The following EYS variants were observed in gnomAD, a reference collection of about 807,000 sequenced individuals.
The protein encoded by EYS is EGF-like photoreceptor maintenance factor.
A neutral mutation model predicts 282.1 loss-of-function variants in EYS; 250 were observed. That is an observed-to-expected ratio of 0.89 (90% confidence interval 0.80 to 0.98). EYS has a LOEUF of 0.98. Among genes scored for constraint, EYS ranks in the 50% least tolerant of loss-of-function variants. EYS has a pLI of 0.00. For synonymous variants in EYS, 1,355 were observed against 1,282.9 expected, an observed-to-expected ratio of 1.06 and a Z score of -1.20; for missense variants, 4,016 against 3,709.0, an observed-to-expected ratio of 1.08 and a Z score of -2.15.
chr6:64,949,380 A>G (rs959407901), intron 14 of EYS, among the ~76,000 whole-genome samples: 2 of 151,842 alleles, frequency 1.3e-5, no homozygotes, highest in Admixed American at 6.6e-5. Context: ...TCTAGGACTC[A>G]GATCTCATTT....
intron 29 of EYS, among the ~76,000 whole-genome samples, chr6:64,383,557 T>C (rs185717757): frequency 3.7e-4 from 57 of 152,292 alleles, no homozygotes; most frequent in African/African-American, 1.3e-3. Context: ...GAAGGAGCAA[T>C]GGGTCATAAA....
chr6:64,019,246 C>T lies in EYS; in HGVS notation c.6726-20063G>A, dbSNP rs553170730. On this transcript the variant is annotated intron_variant, in intron 33 of 42. Coordinates refer to ENST00000503581, the MANE Select transcript of EYS (RefSeq NM_001142800.2). ...GAAGAGGCAGTAATGGATTTTCCCT[C>T]AGGACTTCTGGAGAGAGTGCAGCCT... Among the ~76,000 whole-genome samples, 7 of 152,282 alleles carry T rather than the reference C, an allele frequency of 4.6e-5. No homozygotes were observed. In the East Asian group the frequency reaches 1.4e-3, roughly 29 times the overall value.
At chr6:65,363,865 T>C (rs1254214412) in intron 8 of EYS, among the ~76,000 whole-genome samples, 1 of 151,780 alleles carries the variant, frequency 6.6e-6, no homozygotes. Flanking sequence ...TTTTGTATAA[T>C]CAAATTTTAC....
intron 15 of EYS, among the ~76,000 whole-genome samples, chr6:64,920,315 G>T (rs1292942692): frequency 6.6e-6 from 1 of 152,070 alleles, no homozygotes. Context: ...GTTGAGTCAA[G>T]AAAATGACTA....
At chr6:65,586,989 C>T (rs1033949488) in intron 2 of EYS, among the ~76,000 whole-genome samples, 12 of 151,682 alleles carry the variant, frequency 7.9e-5, no homozygotes, top group African/African-American at 2.9e-4. Flanking sequence ...ATTTTATTTC[C>T]AAAGCTTAGA....
chr6:65,062,388 T>A (rs1773603368), intron 12 of EYS, among the ~76,000 whole-genome samples: 1 of 151,976 alleles, frequency 6.6e-6, no homozygotes, highest in Admixed American at 6.6e-5. Context: ...TTTATCTCCA[T>A]CTCTATTACC....
chr6:65,390,609 C>T lies in EYS; in HGVS notation c.1185-6109G>A, dbSNP rs923171342. On this transcript the variant is annotated intron_variant, in intron 7 of 42. Transcript: ENST00000503581. ...TGTAGAAAAAATATTGTGGGCTGGG[C>T]ATGGTGGCTTATATCTGTAATCCCA... Among the ~76,000 whole-genome samples, 6 of 152,014 alleles carry T rather than the reference C, an allele frequency of 3.9e-5. No homozygotes were observed. In the South Asian group the frequency reaches 6.2e-4, roughly 16 times the overall value.
intron 22 of EYS, among the ~76,000 whole-genome samples, chr6:64,725,124 G>A (rs1771711009): frequency 6.6e-6 from 1 of 152,086 alleles, no homozygotes; most frequent in South Asian, 2.1e-4. Flanking sequence ...GGTCACAGAT[G>A]GGAAAATCTT....
At chr6:64,688,121 CTTT>C (rs1770226847) in intron 22 of EYS, among the ~76,000 whole-genome samples, 1 of 151,702 alleles carries the variant, frequency 6.6e-6, no homozygotes, top group African/African-American at 2.4e-5. Context: ...CTCTTTTCTT[CTTT>C]ATTAGTCTTG....
chr6:64,150,820 G>A (rs79043902), intron 31 of EYS, among the ~76,000 whole-genome samples: 3,775 of 152,176 alleles, frequency 0.025, 147 homozygotes, highest in African/African-American at 0.086. Flanking sequence ...CAAGAAAATG[G>A]AAGTTGAAAG....
intron 2 of EYS, among the ~76,000 whole-genome samples, chr6:65,540,769 A>C (rs944632714): frequency 2.0e-5 from 3 of 152,040 alleles, no homozygotes; most frequent in Non-Finnish European, 4.4e-5. Flanking sequence ...AAATACAAAA[A>C]AAAATTAGTC....
chr6:64,165,905 A>G (rs747118491), intron 31 of EYS, among the ~76,000 whole-genome samples: 1 of 152,234 alleles, frequency 6.6e-6, no homozygotes, highest in East Asian at 1.9e-4. Flanking sequence ...GTAGGAAAAG[A>G]TAGTGCCTGA....
intron 22 of EYS, among the ~76,000 whole-genome samples, chr6:64,811,046 T>C (rs1459860611): frequency 6.6e-6 from 1 of 152,080 alleles, no homozygotes; most frequent in Non-Finnish European, 1.5e-5. Flanking sequence ...ATAAACATAC[T>C]ATGGATTAAC....
chr6:64,675,250 C>A (rs1769610761), intron 22 of EYS, among the ~76,000 whole-genome samples: 1 of 152,044 alleles, frequency 6.6e-6, no homozygotes, highest in South Asian at 2.1e-4. Context: ...CACTCGGTAT[C>A]TTCTATCATG....
intron 8 of EYS, among the ~76,000 whole-genome samples, chr6:65,356,195 C>T (rs191757215): frequency 5.9e-4 from 89 of 151,978 alleles, no homozygotes; most frequent in Non-Finnish European, 1.0e-3. Context: ...ATGTCTTCTG[C>T]GGCAAAAAAA....
At chr6:65,569,007 C>T (rs758660113) in intron 2 of EYS, among the ~76,000 whole-genome samples, 2 of 152,126 alleles carry the variant, frequency 1.3e-5, no homozygotes, top group Non-Finnish European at 2.9e-5. Context: ...TTTGAGACAA[C>T]GATGATAACT....
At chr6:65,578,220 TACAC>T (rs1292308257) in intron 2 of EYS, among the ~76,000 whole-genome samples, 1 of 151,238 alleles carries the variant, frequency 6.6e-6, no homozygotes, top group Admixed American at 6.6e-5. Flanking sequence ...TATATATATA[TACAC>T]ACAATAGAAT....
intron 12 of EYS, among the ~76,000 whole-genome samples, chr6:65,233,995 G>A (rs562840462): frequency 6.6e-6 from 1 of 152,260 alleles, no homozygotes; most frequent in East Asian, 1.9e-4. Context: ...ATCCTGGGCT[G>A]TCTCTCTTCC....
intron 14 of EYS, among the ~76,000 whole-genome samples, chr6:64,977,617 G>C (rs1029527024): frequency 2.0e-5 from 3 of 149,298 alleles, no homozygotes; most frequent in African/African-American, 7.4e-5. Flanking sequence ...AAAGCCAAGA[G>C]AGGCTGAAAG....
Sources: allele counts gnomAD v4.1 joint callset (sites outside exome capture counted in the v4.1 genomes callset), GRCh38; gene constraint gnomAD v4.1.1; transcripts MANE v1.5; gene names NCBI Gene and HGNC (gene_info 2026-07-23, HGNC 2026-07-21).